ZNRF3: variants seen among roughly 807,000 people sequenced by gnomAD.
ZNRF3 encodes the protein E3 ubiquitin-protein ligase ZNRF3.
A neutral mutation model predicts 72.5 loss-of-function variants in ZNRF3; 23 were observed. The ratio of observed to expected loss-of-function variants is 0.32; its 90% CI spans 0.23 to 0.45. The LOEUF (loss-of-function observed/expected upper bound fraction) is 0.45. Ranked by LOEUF, ZNRF3 falls within the 20% of genes least tolerant of loss-of-function variation. The probability of loss-of-function intolerance (pLI) is 1.00; values close to 1 mark genes in which losing one functional copy is unlikely to be tolerated. For synonymous variants in ZNRF3, 610 were observed against 545.3 expected (o/e 1.12, Z -1.65); for missense variants, 1,169 against 1,272.1 (o/e 0.92, Z 1.23).
rs1357608465 is a variant in ZNRF3, at chr22:28,916,103, C to T, written c.300+32037C>T. On this transcript the variant is annotated intron_variant, in intron 1 of 8. Coordinates refer to ENST00000544604, the MANE Select transcript of ZNRF3 (RefSeq NM_001206998.2). ...TTGAGATGGGGTCTTGCTCTGTTGC[C>T]CAGGCCAGAGTACAATGGTGCCATC... Among the ~76,000 whole-genome samples, 5 of 152,052 alleles carry T rather than the reference C, an allele frequency of 3.3e-5. No homozygotes were observed. The South Asian group carries it at 6.2e-4, about 19-fold the overall frequency.
intron 2 of ZNRF3, among the ~76,000 whole-genome samples, chr22:28,991,058 G>A (rs1316121548): frequency 6.6e-6 from 1 of 152,000 alleles, no homozygotes; most frequent in South Asian, 2.1e-4. Context: ...GAGGCGCGCC[G>A]ATTGCATGAG....
rs182810865 is a variant in ZNRF3, at chr22:29,057,191, C to T, written c.*3569C>T. The T allele has an allele frequency of 3.5e-4, 54 of 152,214 alleles. No homozygotes were observed. The highest frequency in any genetic ancestry group is 1.3e-3 in the African/African-American group (54 of 41,532). The allele number at this position is 152,214 out of a possible 1,614,324, so 9.4% of individuals were successfully genotyped here. On this transcript the variant is annotated 3_prime_UTR_variant, in exon 9 of 9. Coordinates refer to ENST00000544604, the MANE Select transcript of ZNRF3 (RefSeq NM_001206998.2). Reference sequence around the variant, plus strand: ...AAATGTTTTAAAAGCTAGAAGACAACTTATGTATATTCTGTATATGTATAG... The same window carrying T: ...AAATGTTTTAAAAGCTAGAAGACAATTTATGTATATTCTGTATATGTATAG...
At chr22:29,002,098 T>C (rs1245559426) in intron 2 of ZNRF3, among the ~76,000 whole-genome samples, 1 of 152,174 alleles carries the variant, frequency 6.6e-6, no homozygotes, top group Non-Finnish European at 1.5e-5. Context: ...CAAAAGTCTC[T>C]ATATATATCC....
chr22:28,968,491 C>T (rs573405451), intron 1 of ZNRF3, among the ~76,000 whole-genome samples: 184 of 152,236 alleles, frequency 1.2e-3, no homozygotes, highest in African/African-American at 4.1e-3. Flanking sequence ...GGGTGGATCA[C>T]CTGAGGTTAG....
At chr22:28,895,598 C>T (rs1183593121) in intron 1 of ZNRF3, among the ~76,000 whole-genome samples, 4 of 152,074 alleles carry the variant, frequency 2.6e-5, no homozygotes, top group Non-Finnish European at 4.4e-5. Context: ...ACCTGGGTGG[C>T]GGAGCTTACA....
Position 29,053,684 on chromosome 22 carries a change from T to C in ZNRF3, c.*62T>C, listed in dbSNP as rs1485705868. 12 of 1,522,534 alleles carry C rather than the reference T, an allele frequency of 7.9e-6. No individual in the cohort carries two copies. The highest frequency in any genetic ancestry group is 1.4e-5 in the African/African-American group (1 of 71,250). 94.3% of individuals were successfully genotyped at this position (1,522,534 alleles called of 1,614,324 possible). On this transcript the variant is annotated 3_prime_UTR_variant, in exon 9 of 9. Transcript: ENST00000544604. ...TATGGAGACTCCAAACTGACTTCTT[T>C]CAAAAAACAAAAACAAAAAATTTTT...
intron 2 of ZNRF3, among the ~76,000 whole-genome samples, chr22:28,998,586 A>G (rs1023019688): frequency 6.6e-6 from 1 of 152,206 alleles, no homozygotes; most frequent in African/African-American, 2.4e-5. Flanking sequence ...AACTCAGGGA[A>G]TACAAGTTTT....
At chr22:28,907,014 G>A (rs1373480843) in intron 1 of ZNRF3, among the ~76,000 whole-genome samples, 1 of 142,806 alleles carries the variant, frequency 7.0e-6, no homozygotes, top group Non-Finnish European at 1.5e-5. Flanking sequence ...ATGGACTCTC[G>A]CTCTGTCGCC....
intron 1 of ZNRF3, among the ~76,000 whole-genome samples, chr22:28,960,947 A>G (rs938203230): frequency 3.9e-5 from 6 of 152,082 alleles, no homozygotes; most frequent in African/African-American, 9.7e-5. Flanking sequence ...TCAATTTATC[A>G]TGTTGCTGTT....
intron 2 of ZNRF3, among the ~76,000 whole-genome samples, chr22:29,024,150 T>G (rs1040734765): frequency 3.3e-5 from 5 of 152,214 alleles, no homozygotes; most frequent in African/African-American, 9.6e-5. Flanking sequence ...GCTGTTCTTT[T>G]GCAAGAAGTC....
At chr22:28,902,794 G>A (rs768201278) in intron 1 of ZNRF3, among the ~76,000 whole-genome samples, 1 of 152,288 alleles carries the variant, frequency 6.6e-6, no homozygotes, top group East Asian at 1.9e-4. Flanking sequence ...CTCACAGCAT[G>A]CAATTTATAT....
At chr22:29,016,276 C>T (rs1459049993) in intron 2 of ZNRF3, among the ~76,000 whole-genome samples, 1 of 152,206 alleles carries the variant, frequency 6.6e-6, no homozygotes, top group East Asian at 1.9e-4. Context: ...TGGTATGTGA[C>T]TGCCTTGAAG....
At chr22:28,913,377 A>G (rs890529136) in intron 1 of ZNRF3, among the ~76,000 whole-genome samples, 1 of 152,204 alleles carries the variant, frequency 6.6e-6, no homozygotes, top group Non-Finnish European at 1.5e-5. Context: ...TGATCACAGA[A>G]CTTTTTCTCA....
intron 1 of ZNRF3, among the ~76,000 whole-genome samples, chr22:28,981,706 T>G (rs1224975983): frequency 6.6e-6 from 1 of 152,150 alleles, no homozygotes; most frequent in Non-Finnish European, 1.5e-5. Context: ...TTCACTTAGG[T>G]TTGAGTTCAG....
chr22:28,947,815 A>G (rs1188104946), intron 1 of ZNRF3, among the ~76,000 whole-genome samples: 2 of 152,232 alleles, frequency 1.3e-5, no homozygotes, highest in Non-Finnish European at 2.9e-5. Flanking sequence ...AATTCATTTA[A>G]GAATGGTTAA....
At chr22:29,007,038 T>A (rs574074580) in intron 2 of ZNRF3, among the ~76,000 whole-genome samples, 1 of 152,344 alleles carries the variant, frequency 6.6e-6, no homozygotes, top group South Asian at 2.1e-4. Context: ...TTTCACACAT[T>A]ATCTGAAATC....
Position 29,049,592 on chromosome 22 carries a change from C to A in ZNRF3, c.1411C>A (p.His471Asn). The A allele has an allele frequency of 6.2e-7, 1 of 1,608,792 alleles. No homozygotes were observed. ...CTCCCAGTATGAGACCATGTACCAG[C>A]ACTACTACTTCCAGGGCCTCAGCTA... Reference protein sequence around the residue: ...CFSQYETMYQHYYFQGLSYPE... With the variant: ...CFSQYETMYQNYYFQGLSYPE... Residue 471 changes from histidine to asparagine, a missense_variant, in exon 8 of 9, where the codon CAC becomes AAC. This residue lies in a region of ZNRF3 where 783 missense variants were observed against 731.4 expected (regional missense o/e 1.07). Transcript: ENST00000544604. This position sits in a 1 kb window ranked among gnomAD's most constrained non-coding sequence, Gnocchi z 5.2.
chr22:28,980,294 G>A (rs962357771), intron 1 of ZNRF3, among the ~76,000 whole-genome samples: 2 of 152,170 alleles, frequency 1.3e-5, no homozygotes, highest in African/African-American at 4.8e-5. Flanking sequence ...TCAGGTGATA[G>A]ATACACTAAA....
At chr22:28,969,162 A>G (rs533154743) in intron 1 of ZNRF3, among the ~76,000 whole-genome samples, 1 of 152,316 alleles carries the variant, frequency 6.6e-6, no homozygotes, top group South Asian at 2.1e-4. Flanking sequence ...AAGTAAGGAC[A>G]GTGGCTCCCA....
Sources: allele counts gnomAD v4.1 joint callset (sites outside exome capture counted in the v4.1 genomes callset), GRCh38; gene constraint gnomAD v4.1.1; regional missense constraint gnomAD v4.1.1; non-coding constraint Gnocchi (gnomAD v3.1); transcripts MANE v1.5; gene names NCBI Gene and HGNC (gene_info 2026-07-23, HGNC 2026-07-21).